The following KATNIP variants were observed in gnomAD, a reference collection of about 807,000 sequenced individuals.
KATNIP encodes the protein katanin interacting protein.
A neutral mutation model predicts 174.0 loss-of-function variants in KATNIP; 126 were observed. The observed-to-expected ratio is 0.72, with a 90% CI of 0.63 to 0.84. KATNIP has a LOEUF of 0.84. KATNIP is among the 40% of genes least tolerant of loss of function. The pLI is 0.00. For synonymous variants in KATNIP, 810 were observed against 835.7 expected, an observed-to-expected ratio of 0.97 and a Z score of 0.53; for missense variants, 1,958 against 2,109.7, an observed-to-expected ratio of 0.93 and a Z score of 1.41.
chr16:27,693,775 G>A (rs2078820858), intron 8 of KATNIP, among the ~76,000 whole-genome samples: 1 of 152,196 alleles, frequency 6.6e-6, no homozygotes, highest in Non-Finnish European at 1.5e-5. Flanking sequence ...GGGAGCAGCT[G>A]GGACGTGCCC....
At chr16:27,629,525 A>G (rs577857767) in intron 4 of KATNIP, among the ~76,000 whole-genome samples, 1 of 152,230 alleles carries the variant, frequency 6.6e-6, no homozygotes, top group Non-Finnish European at 1.5e-5. Flanking sequence ...TATACTGTGC[A>G]TACTTTAAAT....
At chr16:27,611,087 C>T (rs1304241543) in intron 2 of KATNIP, among the ~76,000 whole-genome samples, 1 of 152,186 alleles carries the variant, frequency 6.6e-6, no homozygotes, top group Non-Finnish European at 1.5e-5. Flanking sequence ...TCATCAGGAC[C>T]TCTTGAGGCT....
At chr16:27,626,843 A>G (rs2076348277) in intron 3 of KATNIP, among the ~76,000 whole-genome samples, 1 of 152,100 alleles carries the variant, frequency 6.6e-6, no homozygotes, top group African/African-American at 2.4e-5. Context: ...CTGTAGTCCA[A>G]GCTACCTGGG....
intron 18 of KATNIP, chr16:27,755,136 A>G (rs1174393125): frequency 1.3e-5 from 2 of 152,310 alleles, no homozygotes; most frequent in Non-Finnish European, 2.9e-5. Flanking sequence ...ACCCGCTTCT[A>G]CTTTATCTTC....
intron 3 of KATNIP, among the ~76,000 whole-genome samples, chr16:27,621,079 G>C (rs1193640557): frequency 2.0e-5 from 3 of 152,046 alleles, no homozygotes; most frequent in African/African-American, 7.2e-5. Context: ...CAGGAGGATC[G>C]CTTGAGCCCA....
chr16:27,660,810 G>T (rs755167726), intron 6 of KATNIP, among the ~76,000 whole-genome samples: 1 of 151,946 alleles, frequency 6.6e-6, no homozygotes, highest in Non-Finnish European at 1.5e-5. Context: ...TATTGCTCTA[G>T]GTCTTTTGCA....
Position 27,776,883 on chromosome 16 carries a change from C to CT in KATNIP, c.4450-44dup. The CT allele has an allele frequency of 7.0e-7, 1 of 1,426,354 alleles. No homozygotes were observed. The highest frequency in any genetic ancestry group is 1.1e-5 in the South Asian group (1 of 87,034). The allele number at this position is 1,426,354 out of a possible 1,614,324, so 88.4% of individuals were successfully genotyped here. On this transcript the variant is annotated intron_variant, in intron 24 of 27. Coordinates refer to ENST00000261588, the MANE Select transcript of KATNIP (RefSeq NM_015202.5). This position sits in a 1 kb window ranked among gnomAD's most constrained non-coding sequence, Gnocchi z 4.7. Reference sequence around the variant, plus strand: ...GCACCCCCAGCCCAGCCAAGCGCCTCTGTTTCCAAACATGCCTGTTTTAAT... The same window carrying CT: ...GCACCCCCAGCCCAGCCAAGCGCCTCTTGTTTCCAAACATGCCTGTTTTAAT...
At chr16:27,705,495 C>G (rs901960979) in intron 12 of KATNIP, among the ~76,000 whole-genome samples, 6 of 151,884 alleles carry the variant, frequency 4.0e-5, no homozygotes, top group African/African-American at 1.2e-4. Context: ...GGTCCTGGCT[C>G]TCAGATAGGG....
At chr16:27,731,969 C>A (rs1163289031) in intron 14 of KATNIP, among the ~76,000 whole-genome samples, 2 of 152,206 alleles carry the variant, frequency 1.3e-5, no homozygotes, top group African/African-American at 4.8e-5. Flanking sequence ...GAGCCAGGCC[C>A]TGCAGGAGGG....
chr16:27,713,015 C>G (rs1161107555), intron 13 of KATNIP, among the ~76,000 whole-genome samples: 3 of 152,012 alleles, frequency 2.0e-5, no homozygotes, highest in East Asian at 1.9e-4. Context: ...ACTGTGTGTC[C>G]CAGGCTAATC....
At chr16:27,677,673 A>G (rs2078172477) in intron 6 of KATNIP, 56 bp from the exon 7 acceptor site, 2 of 1,507,022 alleles carry the variant, frequency 1.3e-6, no homozygotes, top group Non-Finnish European at 1.8e-6. Flanking sequence ...ATTTTCAAAT[A>G]AGTTTTTCTC....
rs113653931 is a variant in KATNIP at position 27,566,399 on chromosome 16, G to T, written c.8-7502G>T. On this transcript the variant is annotated intron_variant, in intron 1 of 27. Transcript: ENST00000261588. ...ACTAATTCAAAAATACACCGGGCGT[G>T]GTGGTGGGCTCCTGTAATCCCAGCT... Among the ~76,000 whole-genome samples the T allele has an allele frequency of 2.1e-3, 325 of 152,300 alleles. 1 individual carries two copies. Among genetic ancestry groups the T allele is most frequent in the Middle Eastern group, 0.014 (4 of 294 alleles).
At chr16:27,761,686 G>C (rs1163087017) in intron 19 of KATNIP, 96 bp downstream of exon 19, 1 of 1,140,330 alleles carries the variant, frequency 8.8e-7, no homozygotes, top group African/African-American at 1.5e-5. Context: ...AAATAGAATC[G>C]CATATGTCCC....
Position 27,751,721 on chromosome 16 carries a change from C to G in KATNIP, c.3349C>G (p.Pro1117Ala), listed in dbSNP as rs1486625508. Residue 1117 changes from proline (P) to alanine (A), a missense_variant and splice_region_variant, in exon 17 of 28, where the codon CCA (proline) becomes GCA (alanine). Around this residue, in one of 3 missense-constraint regions of KATNIP, gnomAD observed 1,557 missense variants for 1,617.8 expected, o/e 0.96. Coordinates refer to ENST00000261588, the MANE Select transcript of KATNIP (RefSeq NM_015202.5). ...CTGTCATCTTGATAACCCATTAGCC[C>G]CAGAGCACTTTGGAGACACGATCTT... The part of the protein sequence containing the change: ...AKASGTLAGA[P>A]EHFGDTILFT... The G allele has an allele frequency of 6.2e-7, 1 of 1,614,134 alleles. No homozygotes were observed. Among genetic ancestry groups the G allele is most frequent in the Non-Finnish European group, 8.5e-7 (1 of 1,180,008 alleles).
Position 27,681,589 on chromosome 16 carries a change from G to T in KATNIP, c.940+59G>T, listed in dbSNP as rs150312378. ...AGGGCTGCGACTGGGTCACTCTCTG[G>T]GGTGCCATGATGGGAGGCCGCACTT... is the stretch of plus-strand genomic sequence containing the variant. On this transcript the variant is annotated intron_variant, in intron 8 of 27. Transcript: ENST00000261588. 3.4e-4 allele frequency: 552 copies of T among 1,605,526 alleles called. 4 individuals are homozygous for T. The highest frequency in any genetic ancestry group is 3.4e-3 in the South Asian group (310 of 90,802).
At chr16:27,741,054 A>T (rs2081090295) in intron 15 of KATNIP, 134 bp downstream of exon 15, 1 of 921,174 alleles carries the variant, frequency 1.1e-6, no homozygotes, top group Non-Finnish European at 1.6e-6. Flanking sequence ...AGGGTCACAA[A>T]ATCACTGTCT....
intron 13 of KATNIP, among the ~76,000 whole-genome samples, chr16:27,719,797 G>C (rs749729242): frequency 5.2e-4 from 79 of 151,510 alleles, no homozygotes; most frequent in Admixed American, 1.8e-3. Flanking sequence ...AGCCTCCTGA[G>C]TAGCCAGAAC....
chr16:27,652,880 A>G (rs1307051364), intron 6 of KATNIP, among the ~76,000 whole-genome samples: 1 of 152,102 alleles, frequency 6.6e-6, no homozygotes, highest in Non-Finnish European at 1.5e-5. Flanking sequence ...TTAAAAAATT[A>G]TGATACTTAT....
intron 2 of KATNIP, among the ~76,000 whole-genome samples, chr16:27,605,536 G>GC (rs2075674098): frequency 1.3e-5 from 2 of 152,228 alleles, no homozygotes; most frequent in Middle Eastern, 6.8e-3. Context: ...TAGCAGGTAG[G>GC]GTAGTAATAA....
Sources: allele counts gnomAD v4.1 joint callset (sites outside exome capture counted in the v4.1 genomes callset), GRCh38; gene constraint gnomAD v4.1.1; regional missense constraint gnomAD v4.1.1; non-coding constraint Gnocchi (gnomAD v3.1); transcripts MANE v1.5; gene names NCBI Gene and HGNC (gene_info 2026-07-23, HGNC 2026-07-21).